Variants in NGEF observed in about 807,000 individuals in gnomAD.
NGEF encodes ephexin-1.
A neutral mutation model predicts 80.9 loss-of-function variants in NGEF; 31 were observed. The observed-to-expected ratio is 0.38, with a 90% CI of 0.29 to 0.52. The LOEUF (loss-of-function observed/expected upper bound fraction) is 0.52. Ranked by LOEUF, NGEF falls within the 20% of genes least tolerant of loss-of-function variation. The probability of loss-of-function intolerance (pLI) is 0.84; values close to 1 mark genes in which losing one functional copy is unlikely to be tolerated. For synonymous variants in NGEF, 371 were observed against 370.2 expected (o/e 1.00, Z -0.03); for missense variants, 709 against 926.2 (o/e 0.77, Z 3.04).
chr2:232,973,842 G>A (rs1332247837), intron 2 of NGEF, among the ~76,000 whole-genome samples: 2 of 152,210 alleles, frequency 1.3e-5, no homozygotes, highest in East Asian at 3.8e-4. Flanking sequence ...TTAACGTGTG[G>A]CAAACAGCTA....
At chr2:232,954,289 TG>T (rs1221702968) in intron 3 of NGEF, among the ~76,000 whole-genome samples, 1 of 152,170 alleles carries the variant, frequency 6.6e-6, no homozygotes, top group Non-Finnish European at 1.5e-5. Context: ...ATTCATTAAC[TG>T]TCTTAGGCCT....
At chr2:232,944,002 G>T (rs1019527608) in intron 3 of NGEF, among the ~76,000 whole-genome samples, 3 of 151,826 alleles carry the variant, frequency 2.0e-5, no homozygotes, top group Admixed American at 1.3e-4. Flanking sequence ...GGAGGCCGAG[G>T]CCGGCGGATC....
At chr2:232,975,182 G>A (rs1694266957) in intron 1 of NGEF, among the ~76,000 whole-genome samples, 1 of 152,146 alleles carries the variant, frequency 6.6e-6, no homozygotes, top group African/African-American at 2.4e-5. Context: ...TTATTCCTAA[G>A]AGGCACTTTT....
chr2:232,959,304 T>C (rs1693897149), intron 3 of NGEF, among the ~76,000 whole-genome samples: 1 of 152,184 alleles, frequency 6.6e-6, no homozygotes, highest in Non-Finnish European at 1.5e-5. Flanking sequence ...TGGTTAGAGC[T>C]GCAGGCTTGA....
At chr2:232,960,324 G>C (rs564822468) in intron 3 of NGEF, among the ~76,000 whole-genome samples, 2 of 152,340 alleles carry the variant, frequency 1.3e-5, no homozygotes, top group South Asian at 4.1e-4. Context: ...CCTTGTGCCT[G>C]TAGGAATAAA....
At chr2:232,956,654 C>T (rs914126325) in intron 3 of NGEF, among the ~76,000 whole-genome samples, 5 of 151,878 alleles carry the variant, frequency 3.3e-5, no homozygotes, top group African/African-American at 1.2e-4. Context: ...GTAATCCCAG[C>T]TACTTGGGAG....
At position 232,989,452 on chromosome 2, in the gene NGEF, A is replaced by AAAAC. The variant is rs138072212; in HGVS notation, c.-74-14492_-74-14489dup. Among the ~76,000 whole-genome samples the AAAAC allele has an allele frequency of 3.2e-3, 483 of 152,328 alleles. 3 individuals carry two copies. The highest frequency in any genetic ancestry group is 0.01 in the African/African-American group (434 of 41,564). On this transcript the variant is annotated intron_variant, in intron 1 of 14. Coordinates refer to ENST00000264051, the MANE Select transcript of NGEF (RefSeq NM_019850.3). Reference sequence around the variant, plus strand: ...ACAGAGTGAGACTCTGCCTCAAAACAAAACAAACAAACAAACAAACAAAAC... The same window carrying AAAAC: ...ACAGAGTGAGACTCTGCCTCAAAACAAAACAAACAAACAAACAAACAAACAAAAC...
At chr2:232,927,841 A>C in intron 3 of NGEF, 1 of 1,179,616 alleles carries the variant, frequency 8.5e-7, no homozygotes, top group Non-Finnish European at 1.1e-6. Context: ...CAAGCTGGGA[A>C]AGAGGCACGC....
At chr2:232,954,103 T>C (rs986538284) in intron 3 of NGEF, among the ~76,000 whole-genome samples, 28 of 152,176 alleles carry the variant, frequency 1.8e-4, no homozygotes, top group African/African-American at 6.8e-4. Context: ...GAGTCAGGGC[T>C]GCAGTGTCAG....
In NGEF at chr2:232,881,136, T is replaced by C; in HGVS notation, c.1942+10A>G. ...CCTGGGGGCCCCGAGGGGAGGTCCCTGGGCCTCACCGTCGTCAGTCTTGTC... is the reference window on the plus strand; with the variant it reads ...CCTGGGGGCCCCGAGGGGAGGTCCCCGGGCCTCACCGTCGTCAGTCTTGTC... On this transcript the variant is annotated intron_variant, in intron 14 of 14. Transcript: ENST00000264051. 6.2e-7 allele frequency: 1 copy of C among 1,610,186 alleles called. No homozygotes were observed. Among genetic ancestry groups the C allele is most frequent in the African/African-American group, 1.3e-5 (1 of 75,010 alleles).
At chr2:233,012,841 C>T (rs531376515) in intron 1 of NGEF, 17 of 471,106 alleles carry the variant, frequency 3.6e-5, no homozygotes, top group African/African-American at 3.0e-4. Flanking sequence ...AGTCCTTATC[C>T]TGATTCCCAG....
At position 232,879,453 on chromosome 2, in the gene NGEF, T is replaced by A; in HGVS notation, c.*36A>T. 7.3e-7 allele frequency: 1 copy of A among 1,361,736 alleles called. No individual in the cohort carries two copies. Among genetic ancestry groups the A allele is most frequent in the East Asian group, 2.5e-5 (1 of 40,130 alleles). The allele number at this position is 1,361,736 out of a possible 1,614,324, so 84.4% of individuals were successfully genotyped here. A position where few individuals can be genotyped will look rare whatever the true frequency, so the allele number is the denominator to read the frequency against. On this transcript the variant is annotated 3_prime_UTR_variant, in exon 15 of 15. Coordinates refer to ENST00000264051, the MANE Select transcript of NGEF (RefSeq NM_019850.3). The stretch of plus-strand genomic sequence containing the variant: ...CCCCCCACCTTCTGTCGGGGTCTCA[T>A]GCAGGCCCTGCTCCCGCTGGCCCCC...
At chr2:232,882,355 G>A (rs1691531264) in intron 12 of NGEF, 90 bp from the exon 13 acceptor site, 12 of 1,172,294 alleles carry the variant, frequency 1.0e-5, no homozygotes, top group South Asian at 6.6e-5. Context: ...GCTGCCCCTC[G>A]GATCTGCGTC....
chr2:232,906,252 C>A (rs1184562659), intron 5 of NGEF, among the ~76,000 whole-genome samples: 2 of 111,314 alleles, frequency 1.8e-5, no homozygotes, highest in Non-Finnish European at 3.7e-5. Flanking sequence ...CCAGCCGCCC[C>A]ATCCGGGAGG....
chr2:232,982,522 C>T (rs938177040), intron 1 of NGEF, among the ~76,000 whole-genome samples: 2 of 151,704 alleles, frequency 1.3e-5, no homozygotes, highest in Non-Finnish European at 2.9e-5. Flanking sequence ...TGTCTTGGGC[C>T]TTTTTTTTGA....
At chr2:232,894,941 A>T (rs1574995882) in intron 5 of NGEF, 25 bp from the exon 6 acceptor site, 1 of 1,542,284 alleles carries the variant, frequency 6.5e-7, no homozygotes, top group South Asian at 1.2e-5. Flanking sequence ...CCCCATGGTT[A>T]CCGCCTGAAG....
intron 1 of NGEF, among the ~76,000 whole-genome samples, chr2:232,978,441 G>A (rs1006611978): frequency 2.0e-5 from 3 of 152,182 alleles, no homozygotes; most frequent in African/African-American, 7.2e-5. Context: ...CTTGAAACGG[G>A]AAGGCATAGG....
intron 3 of NGEF, among the ~76,000 whole-genome samples, chr2:232,951,588 C>T (rs1053481703): frequency 1.2e-4 from 19 of 152,206 alleles, no homozygotes; most frequent in African/African-American, 2.7e-4. Context: ...GGGCCGCCAG[C>T]GCCAATTACC....
intron 5 of NGEF, among the ~76,000 whole-genome samples, chr2:232,904,904 C>T (rs1268958696): frequency 6.6e-6 from 1 of 152,214 alleles, no homozygotes; most frequent in Admixed American, 6.5e-5. Flanking sequence ...GATCGCACCA[C>T]TGCACTCCCG....
Sources: allele counts gnomAD v4.1 joint callset (sites outside exome capture counted in the v4.1 genomes callset), GRCh38; gene constraint gnomAD v4.1.1; transcripts MANE v1.5; gene names NCBI Gene and HGNC (gene_info 2026-07-23, HGNC 2026-07-21).